The following MRPL22 variants were observed in gnomAD, a reference collection of about 807,000 sequenced individuals.
MRPL22 encodes the protein large ribosomal subunit protein uL22m.
Under a neutral mutation model 32.4 loss-of-function variants are expected in MRPL22, and 27 were observed. That is an observed-to-expected ratio of 0.83 (90% CI 0.61 to 1.15). The LOEUF is 1.15. Among genes scored for constraint, MRPL22 ranks in the 50% most tolerant of loss-of-function variants. MRPL22 has a pLI of 0.00. For synonymous variants in MRPL22, 86 were observed against 87.3 expected (o/e 0.99, Z 0.08); for missense variants, 239 against 260.2 (o/e 0.92, Z 0.56).
chr5:154,945,287 G>T lies in MRPL22; in HGVS notation c.77+4022G>T, dbSNP rs1156983599. On this transcript the variant is annotated intron_variant, in intron 2 of 6. Transcript: ENST00000523037. ...CAGATCTTGTTGATGCATTGGATGG[G>T]AGGTGTGAGAAAGAAGGGTGACACC... 5.9e-5 allele frequency among the ~76,000 whole-genome samples: 9 copies of T among 152,284 alleles called. 1 individual carries two copies. The South Asian group carries it at 1.9e-3, about 32-fold the overall frequency.
intron 2 of MRPL22, among the ~76,000 whole-genome samples, chr5:154,943,209 G>A (rs1448797768): frequency 1.3e-5 from 2 of 151,720 alleles, no homozygotes; most frequent in African/African-American, 4.8e-5. Context: ...TGTGATCATA[G>A]CTCACTGCAG....
At chr5:154,948,323 C>T (rs1764517841) in intron 2 of MRPL22, among the ~76,000 whole-genome samples, 1 of 152,148 alleles carries the variant, frequency 6.6e-6, no homozygotes, top group Non-Finnish European at 1.5e-5. Context: ...CTTCCAATGG[C>T]TTCGTAACTG....
At chr5:154,954,452 A>G (rs942297757) in intron 3 of MRPL22, among the ~76,000 whole-genome samples, 11 of 152,140 alleles carry the variant, frequency 7.2e-5, no homozygotes, top group Admixed American at 5.9e-4. Context: ...ACTTTATCTA[A>G]TTTGCTGTAT....
chr5:154,941,259 C>T lies in MRPL22; in HGVS notation c.71C>T (p.Ala24Val). 1.2e-6 allele frequency: 2 copies of T among 1,613,044 alleles called. No individual in the cohort carries two copies. Among genetic ancestry groups the T allele is most frequent in the South Asian group, 1.1e-5 (1 of 91,038 alleles). Reference sequence around the variant, plus strand: ...AACCTGAGGAGCCGGGGGAAGCTGGCCTTGGGGTGAGTCTCTCGCTTCGGA... The same window carrying T: ...AACCTGAGGAGCCGGGGGAAGCTGGTCTTGGGGTGAGTCTCTCGCTTCGGA... ...IHNLRSRGKL[A>V]LGVLPQSYIH... is the part of the protein sequence containing the mutation. The change falls in exon 2 of 7, where the codon GCC (alanine) becomes GTC (valine). Residue 24 changes from alanine (A) to valine (V), a missense_variant. Transcript: ENST00000523037.
intron 2 of MRPL22, among the ~76,000 whole-genome samples, chr5:154,941,619 A>G (rs1764416765): frequency 6.6e-6 from 1 of 151,998 alleles, no homozygotes; most frequent in African/African-American, 2.4e-5. Context: ...GTTGTGGACA[A>G]CTCTGCTTTA....
rs568870727 is a variant in MRPL22 at position 154,954,103 on chromosome 5, C to T, written c.196-2268C>T. Among the ~76,000 whole-genome samples the T allele has an allele frequency of 2.0e-5, 3 of 152,020 alleles. No individual in the cohort carries two copies. In the East Asian group the frequency reaches 5.8e-4, roughly 29 times the overall value. On this transcript the variant is annotated intron_variant, in intron 3 of 6. Coordinates refer to ENST00000523037, the MANE Select transcript of MRPL22 (RefSeq NM_014180.4). Reference sequence around the variant, plus strand: ...CTCCTGGGCTTAAGAGATCTTCCCACCTCAGCCTCCTGAGTAGCTGGGACC... The same window carrying T: ...CTCCTGGGCTTAAGAGATCTTCCCATCTCAGCCTCCTGAGTAGCTGGGACC...
At chr5:154,950,740 G>GA in intron 2 of MRPL22, 81 bp from the exon 3 acceptor site, 6 of 872,182 alleles carry the variant, frequency 6.9e-6, no homozygotes, top group Non-Finnish European at 1.1e-5. Context: ...AAATGGAGCT[G>GA]AAGTGGTTCA....
chr5:154,956,115 C>G (rs1405030620), intron 3 of MRPL22: 2 of 351,774 alleles, frequency 5.7e-6, no homozygotes, highest in Non-Finnish European at 1.0e-5. Context: ...AGAAATGTTG[C>G]AAGTGTTGAC....
At chr5:154,950,752 AAGATAT>A in intron 2 of MRPL22, 63 bp from the exon 3 acceptor site, 1 of 992,552 alleles carries the variant, frequency 1.0e-6, no homozygotes, top group Non-Finnish European at 1.6e-6. Context: ...AGTGGTTCAA[AAGATAT>A]GTAAACTCTA....
In MRPL22 at chr5:154,950,927, C is replaced by T. The variant is rs756995948; in HGVS notation, c.184C>T (p.Arg62Trp). ...VYPPQLPGEP[R>W]RPAEIYHCRR... ...TCCTCCACAACTGCCTGGAGAACCT[C>T]GGAGACCAGCAGTAAGTTCGTGGGT... The change falls in exon 3 of 7, where the codon CGG (arginine) becomes TGG (tryptophan). Residue 62 changes from arginine (R) to tryptophan (W), a missense_variant. Coordinates refer to ENST00000523037, the MANE Select transcript of MRPL22 (RefSeq NM_014180.4). 1.3e-5 allele frequency: 21 copies of T among 1,604,100 alleles called. No individual in the cohort carries two copies. The highest frequency in any genetic ancestry group is 1.1e-4 in the African/African-American group (8 of 74,636).
At chr5:154,956,248 T>G in intron 3 of MRPL22, 123 bp from the exon 4 acceptor site, 1 of 669,764 alleles carries the variant, frequency 1.5e-6, no homozygotes, top group Non-Finnish European at 2.6e-6. Flanking sequence ...ATGTTTCTAT[T>G]TCTTATGGCA....
At position 154,957,135 on chromosome 5, in the gene MRPL22, A is replaced by G. The variant is rs143019912; in HGVS notation, c.262A>G (p.Ile88Val). 102 of 1,610,924 alleles carry G rather than the reference A, an allele frequency of 6.3e-5. 2 individuals are homozygous for G. The African/African-American group carries it at 1.2e-3, about 19-fold the overall frequency. Residue 88 changes from isoleucine (I) to valine (V), a missense_variant and splice_region_variant, in exon 5 of 7, where the codon ATA (isoleucine) becomes GTA (valine). By Grantham distance (29) the Ile-to-Val change is conservative. Transcript: ENST00000523037. ...KDKMWYLAKLIRGMSIDQALA... is the reference protein window; with the variant it reads ...KDKMWYLAKLVRGMSIDQALA... ...TTTGTCTCTCACCCTTTAATTCTAG[A>G]TACGAGGAATGTCTATTGACCAGGC...
chr5:154,950,854 T>C lies in MRPL22; in HGVS notation c.111T>C (p.Ala37=), dbSNP rs1348077197. 6.2e-6 allele frequency: 10 copies of C among 1,613,276 alleles called. No homozygotes were observed. The highest frequency in any genetic ancestry group is 4.5e-5 in the East Asian group (2 of 44,882). The change falls in exon 3 of 7, where the codon GCT becomes GCC. Residue 37 remains alanine, a synonymous_variant. Coordinates refer to ENST00000523037, the MANE Select transcript of MRPL22 (RefSeq NM_014180.4). ...VLPQSYIHTS[A]SLDISRKWEK... ...CTCAATCATATATCCACACAAGTGCTTCTCTTGACATTTCTCGAAAATGGG... is the reference window on the plus strand; with the variant it reads ...CTCAATCATATATCCACACAAGTGCCTCTCTTGACATTTCTCGAAAATGGG...
rs779708904 is a variant in MRPL22 at position 154,968,560 on chromosome 5, C to G, written c.*1663C>G. ...CAAATTCCTGGGCTCTACTCTCAGA[C>G]TAAGTGAATCAGAAGCTTTGGTGTG... On this transcript the variant is annotated 3_prime_UTR_variant, in exon 7 of 7. Transcript: ENST00000523037. The G allele has an allele frequency of 3.9e-5, 6 of 152,180 alleles. No individual in the cohort carries two copies. The highest frequency in any genetic ancestry group is 8.8e-5 in the Non-Finnish European group (6 of 68,020). The allele number at this position is 152,180 out of a possible 1,614,324, so 9.4% of individuals were successfully genotyped here.
rs921842506 is a variant in MRPL22 at position 154,942,482 on chromosome 5, C to G, written c.77+1217C>G. Among the ~76,000 whole-genome samples, 18 of 152,180 alleles carry G rather than the reference C, an allele frequency of 1.2e-4. No homozygotes were observed. The East Asian group carries it at 3.5e-3, about 29-fold the overall frequency. ...TAGTAGCTCTTAGGATTTGTCTGTACTCTTCTTAGATAATCTTCTATCACT... is the reference window on the plus strand; with the variant it reads ...TAGTAGCTCTTAGGATTTGTCTGTAGTCTTCTTAGATAATCTTCTATCACT... On this transcript the variant is annotated intron_variant, in intron 2 of 6. Transcript: ENST00000523037.
chr5:154,943,922 C>A (rs1208452588), intron 2 of MRPL22, among the ~76,000 whole-genome samples: 3 of 152,112 alleles, frequency 2.0e-5, no homozygotes, highest in Non-Finnish European at 4.4e-5. Context: ...CTCAGTCTCC[C>A]AAAGTGCTGG....
intron 2 of MRPL22, 102 bp from the exon 3 acceptor site, chr5:154,950,719 T>G: frequency 1.3e-6 from 1 of 781,416 alleles, no homozygotes; most frequent in South Asian, 1.5e-5. Context: ...ATCCTTAAAT[T>G]GTTTTCATCA....
At chr5:154,943,420 G>A (rs1582686435) in intron 2 of MRPL22, among the ~76,000 whole-genome samples, 4 of 151,952 alleles carry the variant, frequency 2.6e-5, no homozygotes, top group South Asian at 2.1e-4. Context: ...ATAGGCCCCA[G>A]ACTAGAAATA....
At chr5:154,942,249 T>C (rs753822167) in intron 2 of MRPL22, among the ~76,000 whole-genome samples, 10 of 152,196 alleles carry the variant, frequency 6.6e-5, no homozygotes, top group Admixed American at 1.3e-4. Flanking sequence ...GTAGCTCTAG[T>C]AGATTTTAAA....
Sources: gnomAD v4.1 joint callset for allele counts (sites outside exome capture counted in the v4.1 genomes callset) on GRCh38, gnomAD v4.1.1 for gene constraint, MANE v1.5 for transcripts, NCBI Gene and HGNC (gene_info 2026-07-23, HGNC 2026-07-21) for gene names.